CPXM2: variants seen among roughly 807,000 people sequenced by gnomAD.
CPXM2 encodes the protein carboxypeptidase X, M14 family member 2, also known as inactive carboxypeptidase-like protein X2.
Under a neutral mutation model 86.1 loss-of-function variants are expected in CPXM2, and 66 were observed. The observed-to-expected ratio is 0.77, with a 90% CI of 0.63 to 0.94. The LOEUF (loss-of-function observed/expected upper bound fraction) is 0.94, where lower values mean the gene tolerates loss of function less well. Among genes scored for constraint, CPXM2 ranks in the 40% least tolerant of loss-of-function variants. The probability of loss-of-function intolerance (pLI) is 0.00; values close to 1 mark genes in which losing one functional copy is unlikely to be tolerated. For missense variants in CPXM2, 948 were observed against 1,026.3 expected (o/e 0.92, Z 1.04); for synonymous variants, 388 against 400.2 (o/e 0.97, Z 0.36).
intron 2 of CPXM2, among the ~76,000 whole-genome samples, chr10:123,897,290 CCT>C (rs1295067237): frequency 6.6e-6 from 1 of 152,110 alleles, no homozygotes; most frequent in Admixed American, 6.5e-5. Flanking sequence ...TCTGTGTGTG[CCT>C]CTGTTTCCTG....
chr10:123,873,856 CTT>C lies in CPXM2; in HGVS notation c.403+6353_403+6354del, dbSNP rs56223052. Among the ~76,000 whole-genome samples, 424 of 105,280 alleles carry C rather than the reference CTT, an allele frequency of 4.0e-3. 2 individuals are homozygous for C. The highest frequency in any genetic ancestry group is 0.013 in the African/African-American group (336 of 25,720). The allele number at this position is 105,280 out of a possible 152,430, so 69.1% of individuals were successfully genotyped here. A position where few individuals can be genotyped will look rare whatever the true frequency, so the allele number is the denominator to read the frequency against. On this transcript the variant is annotated intron_variant, in intron 2 of 13. Coordinates refer to ENST00000241305, the MANE Select transcript of CPXM2 (RefSeq NM_198148.3). ...CAACAGAAATTTATTTCTCACATTTCTTTTTTTTTTTTTTTTTTTTTGAGACA... is the reference window on the plus strand; with the variant it reads ...CAACAGAAATTTATTTCTCACATTTCTTTTTTTTTTTTTTTTTTTGAGACA...
At chr10:123,779,081 C>T (rs1429211915) in intron 7 of CPXM2, among the ~76,000 whole-genome samples, 1 of 152,212 alleles carries the variant, frequency 6.6e-6, no homozygotes, top group Non-Finnish European at 1.5e-5. Context: ...TGGCTGCTCC[C>T]CTCCCTTAGC....
At chr10:123,769,589 G>GA (rs1476536084) in intron 8 of CPXM2, 3 of 151,528 alleles carry the variant, frequency 2.0e-5, no homozygotes, top group Non-Finnish European at 2.9e-5. Context: ...CTCAAAAAGA[G>GA]AAAAAAAATA....
chr10:123,934,464 C>T (rs953511235), intron 2 of CPXM2, among the ~76,000 whole-genome samples: 4 of 151,986 alleles, frequency 2.6e-5, no homozygotes, highest in Non-Finnish European at 5.9e-5. Flanking sequence ...GTCTGTGTCT[C>T]GGTGTCCAAA....
chr10:123,909,506 G>A (rs745708086), intron 2 of CPXM2, among the ~76,000 whole-genome samples: 1 of 152,232 alleles, frequency 6.6e-6, no homozygotes, highest in African/African-American at 2.4e-5. Context: ...GCCAGGCGCT[G>A]CTTTCCTTCA....
intron 4 of CPXM2, among the ~76,000 whole-genome samples, chr10:123,803,211 C>A (rs1360454000): frequency 6.8e-6 from 1 of 146,838 alleles, no homozygotes; most frequent in African/African-American, 2.5e-5. Context: ...AATTCACCCA[C>A]CTCAGAGCCT....
At chr10:123,881,323 C>G (rs1945089721) in intron 1 of CPXM2, among the ~76,000 whole-genome samples, 1 of 150,076 alleles carries the variant, frequency 6.7e-6, no homozygotes, top group African/African-American at 2.5e-5. Flanking sequence ...GGCATCGCCT[C>G]CTTAAACTTT....
intron 3 of CPXM2, among the ~76,000 whole-genome samples, chr10:123,850,470 C>T (rs1564797124): frequency 6.6e-6 from 1 of 152,214 alleles, no homozygotes; most frequent in Non-Finnish European, 1.5e-5. Context: ...ACAAAAATCT[C>T]ACACCGTTTC....
In CPXM2 at chr10:123,790,422, A is replaced by G. The variant is rs117328649; in HGVS notation, c.889+7554T>C. Among the ~76,000 whole-genome samples, 12 of 152,304 alleles carry G rather than the reference A, an allele frequency of 7.9e-5. No individual in the cohort carries two copies. In the East Asian group the frequency reaches 2.3e-3, roughly 29 times the overall value. ...CAGGTGACCAGGGGAACAGATGTGA[A>G]CTACGGATTAGAACTCGTGGAAAAG... is the stretch of plus-strand genomic sequence containing the variant. On this transcript the variant is annotated intron_variant, in intron 6 of 13. Transcript: ENST00000241305.
intron 2 of CPXM2, among the ~76,000 whole-genome samples, chr10:123,924,426 T>G (rs1029829299): frequency 1.3e-5 from 2 of 152,196 alleles, no homozygotes; most frequent in Middle Eastern, 3.2e-3. Context: ...GCCTACTGGT[T>G]TCCTGGTTTC....
intron 7 of CPXM2, among the ~76,000 whole-genome samples, chr10:123,774,497 C>T (rs994784426): frequency 2.0e-5 from 3 of 152,082 alleles, no homozygotes; most frequent in African/African-American, 4.8e-5. Flanking sequence ...GCTTCATATG[C>T]CTTTCATAAC....
At chr10:123,904,708 T>A (rs1262583374) in intron 2 of CPXM2, among the ~76,000 whole-genome samples, 1 of 152,168 alleles carries the variant, frequency 6.6e-6, no homozygotes, top group Non-Finnish European at 1.5e-5. Context: ...CTTCTGCTAT[T>A]CATGAATCTC....
chr10:123,873,184 G>C (rs769153559), intron 2 of CPXM2, among the ~76,000 whole-genome samples: 1 of 146,820 alleles, frequency 6.8e-6, no homozygotes, highest in East Asian at 2.3e-4. Context: ...ATTAACAAGA[G>C]TTTAGCAAGA....
chr10:123,751,066 C>G, intron 13 of CPXM2: 1 of 985,412 alleles, frequency 1.0e-6, no homozygotes, highest in Non-Finnish European at 1.2e-6. Context: ...CCCGGGCATT[C>G]ATGCGTGCCA....
chr10:123,859,399 C>T (rs1735155649), intron 3 of CPXM2, among the ~76,000 whole-genome samples: 1 of 152,260 alleles, frequency 6.6e-6, no homozygotes, highest in South Asian at 2.1e-4. Flanking sequence ...CAAAAGTGGG[C>T]TGACCTCGTC....
intron 6 of CPXM2, among the ~76,000 whole-genome samples, chr10:123,780,882 G>A (rs985135746): frequency 6.6e-6 from 1 of 152,144 alleles, no homozygotes; most frequent in African/African-American, 2.4e-5. Flanking sequence ...CACTGTAATT[G>A]ATCCAGATTG....
At chr10:123,941,665 C>T (rs573232897), upstream of CPXM2, among the ~76,000 whole-genome samples, 5 of 152,306 alleles carry the variant, frequency 3.3e-5, no homozygotes, top group East Asian at 5.8e-4. Context: ...TGGATATTCA[C>T]GAGGTAGAAC....
At chr10:123,785,696 G>A (rs566997496) in intron 6 of CPXM2, among the ~76,000 whole-genome samples, 21 of 150,264 alleles carry the variant, frequency 1.4e-4, no homozygotes, top group African/African-American at 5.2e-4. Context: ...ACAGAGGCGC[G>A]ATCTCGGCTC....
chr10:123,909,115 C>T (rs1464168352), intron 2 of CPXM2, among the ~76,000 whole-genome samples: 1 of 152,200 alleles, frequency 6.6e-6, no homozygotes, highest in Admixed American at 6.5e-5. Context: ...CACAGGCACA[C>T]TCTGCCATCA....
Sources: allele counts gnomAD v4.1 joint callset (sites outside exome capture counted in the v4.1 genomes callset), GRCh38; gene constraint gnomAD v4.1.1; transcripts MANE v1.5; gene names NCBI Gene and HGNC (gene_info 2026-07-23, HGNC 2026-07-21).